ATXN2: variants seen among roughly 807,000 people sequenced by gnomAD.
ATXN2 encodes ataxin 2, also known as ataxin-2.
A neutral mutation model predicts 138.6 loss-of-function variants in ATXN2; 37 were observed. The ratio of observed to expected loss-of-function variants is 0.27; its 90% CI spans 0.21 to 0.35. The LOEUF is 0.35. Ranked by LOEUF, ATXN2 falls within the 10% of genes least tolerant of loss-of-function variation. The pLI, the probability that ATXN2 is intolerant of heterozygous loss-of-function variation, is 1.00. For synonymous variants in ATXN2, 549 were observed against 543.7 expected (o/e 1.01, Z -0.13); for missense variants, 1,216 against 1,480.3 (o/e 0.82, Z 2.93).
Position 111,552,555 on chromosome 12 carries a change from AC to A in ATXN2, c.421-126del, listed in dbSNP as rs1882178052. 13 of 969,330 alleles carry A rather than the reference AC, an allele frequency of 1.3e-5. No individual in the cohort carries two copies. The South Asian group carries it at 2.3e-4, about 17-fold the overall frequency. The allele number at this position is 969,330 out of a possible 1,614,324, so 60.0% of individuals were successfully genotyped here. ...ACAAAAATAATCTCAAGAGAATCATACCCTTTTTCCCAGGCATATGATCTAT... is the reference window on the plus strand; with the variant it reads ...ACAAAAATAATCTCAAGAGAATCATACCTTTTTCCCAGGCATATGATCTAT... On this transcript the variant is annotated intron_variant, in intron 4 of 24. Transcript: ENST00000673436. The surrounding 1 kb of genome is among the most constrained non-coding windows in gnomAD (Gnocchi z 4.1).
Position 111,525,219 on chromosome 12 carries a change from C to T in ATXN2, c.669G>A (p.Glu223=), listed in dbSNP as rs745407244. 1.1e-5 allele frequency: 18 copies of T among 1,613,368 alleles called. No homozygotes were observed. The Admixed American group carries it at 2.8e-4, about 26-fold the overall frequency. ...PWDAGELTAN[E]ELEALENDVS... ...CGTCATTTTCCAAAGCCTCAAGTTC[C>T]TCATTGGCTGTGAGTTCACCTGCAT... The change falls in exon 6 of 25, where the codon GAG becomes GAA. Residue 223 remains glutamate (E), a synonymous_variant. Transcript: ENST00000673436.
At chr12:111,502,492 C>T (rs141379792) in intron 14 of ATXN2, among the ~76,000 whole-genome samples, 47 of 151,956 alleles carry the variant, frequency 3.1e-4, no homozygotes, top group African/African-American at 1.1e-3. Context: ...TGCAGCGGCA[C>T]GATCTTAACT....
intron 1 of ATXN2, among the ~76,000 whole-genome samples, chr12:111,579,912 C>T (rs2135827741): frequency 1.3e-5 from 2 of 152,070 alleles, no homozygotes; most frequent in East Asian, 1.9e-4. Flanking sequence ...GTTGGCCAGG[C>T]TGGTCTCGAA....
intron 14 of ATXN2, among the ~76,000 whole-genome samples, chr12:111,493,879 T>C (rs767629128): frequency 2.0e-5 from 3 of 152,216 alleles, no homozygotes; most frequent in East Asian, 1.9e-4. Flanking sequence ...CGCCCCACCT[T>C]TGCCTTCCAA....
Position 111,598,973 on chromosome 12 carries a change from TGCTGTTGCTGCTGCTGCTGCTGCTGC to T in ATXN2, c.36_61del (p.Gln13AlafsTer68). On this transcript the variant is annotated frameshift_variant, in exon 1 of 25. Coordinates refer to ENST00000673436, the MANE Select transcript of ATXN2 (RefSeq NM_001372574.1). LOFTEE classifies it high-confidence loss of function. The surrounding 1 kb of genome is among the most constrained non-coding windows in gnomAD (Gnocchi z 4.5). ...CGGCTGCTGCTGCTGCTGCTGCTGCTGCTGTTGCTGCTGCTGCTGCTGCTGCTGCTGCTGCTGCTGCTGCTGGGGCT... is the reference window on the plus strand; with the variant it reads ...CGGCTGCTGCTGCTGCTGCTGCTGCTTGCTGCTGCTGCTGCTGCTGGGGCT... 1 of 1,495,544 alleles carries T rather than the reference TGCTGTTGCTGCTGCTGCTGCTGCTGC, an allele frequency of 6.7e-7. No homozygotes were observed. Among genetic ancestry groups the T allele is most frequent in the East Asian group, 2.7e-5 (1 of 36,736 alleles). The allele number at this position is 1,495,544 out of a possible 1,614,324, so 92.6% of individuals were successfully genotyped here. A position where few individuals can be genotyped will look rare whatever the true frequency, so the allele number is the denominator to read the frequency against.
intron 18 of ATXN2, among the ~76,000 whole-genome samples, chr12:111,473,136 C>T (rs747692058): frequency 1.3e-5 from 2 of 151,698 alleles, no homozygotes; most frequent in Admixed American, 6.6e-5. Context: ...AAGCCAGGCA[C>T]GGTGGTGCTT....
intron 8 of ATXN2, among the ~76,000 whole-genome samples, chr12:111,518,944 G>A (rs1880005579): frequency 6.6e-6 from 1 of 152,066 alleles, no homozygotes; most frequent in Non-Finnish European, 1.5e-5. Flanking sequence ...TACTTTACTA[G>A]ATAGGTAGCA....
chr12:111,495,149 T>C (rs1274707340), intron 14 of ATXN2, among the ~76,000 whole-genome samples: 3 of 151,190 alleles, frequency 2.0e-5, no homozygotes, highest in African/African-American at 7.3e-5. Context: ...CTACTGAAAA[T>C]ACAAAAAATT....
Position 111,453,896 on chromosome 12 carries a change from A to C in ATXN2, c.3271-51T>G, listed in dbSNP as rs747033346. On this transcript the variant is annotated intron_variant, in intron 23 of 24. Coordinates refer to ENST00000673436, the MANE Select transcript of ATXN2 (RefSeq NM_001372574.1). This position sits in a 1 kb window ranked among gnomAD's most constrained non-coding sequence, Gnocchi z 5.4. ...TACAGGCAACATCTCCGGCTTCAAC[A>C]ACATGTCAACTGTGTTCCTTTCACT... is the stretch of plus-strand genomic sequence containing the variant. 1.9e-6 allele frequency: 3 copies of C among 1,544,716 alleles called. No homozygotes were observed. Among genetic ancestry groups the C allele is most frequent in the Middle Eastern group, 1.7e-4 (1 of 5,836 alleles).
At chr12:111,597,124 T>C (rs903365765) in intron 1 of ATXN2, among the ~76,000 whole-genome samples, 1 of 139,998 alleles carries the variant, frequency 7.1e-6, no homozygotes, top group Non-Finnish European at 1.5e-5. Context: ...GGCTAAGTAG[T>C]GTTTGGGATG....
chr12:111,521,547 T>C (rs1011030504), intron 6 of ATXN2, among the ~76,000 whole-genome samples: 2 of 152,156 alleles, frequency 1.3e-5, no homozygotes, highest in African/African-American at 4.8e-5. Context: ...AATGCTCAAA[T>C]GGGAAGGCAG....
chr12:111,474,455 G>C (rs1314208209), intron 18 of ATXN2, among the ~76,000 whole-genome samples: 1 of 151,830 alleles, frequency 6.6e-6, no homozygotes, highest in African/African-American at 2.4e-5. Flanking sequence ...GACAAGAAAA[G>C]AAAAGCTGGC....
intron 5 of ATXN2, among the ~76,000 whole-genome samples, chr12:111,525,680 C>T (rs1182811715): frequency 5.0e-5 from 7 of 140,878 alleles, no homozygotes; most frequent in Admixed American, 2.8e-4. Context: ...TTAAGCCACA[C>T]GAAGCATTTT....
At chr12:111,596,517 T>C (rs112009822) in intron 1 of ATXN2, among the ~76,000 whole-genome samples, 3 of 152,166 alleles carry the variant, frequency 2.0e-5, no homozygotes, top group African/African-American at 7.2e-5. Context: ...GAGACTTATT[T>C]TCACTGTTGA....
At chr12:111,558,118 A>T (rs1882484842) in intron 1 of ATXN2, among the ~76,000 whole-genome samples, 1 of 152,216 alleles carries the variant, frequency 6.6e-6, no homozygotes, top group Non-Finnish European at 1.5e-5. Context: ...ATTATCATAT[A>T]AAAAAACAGT....
Position 111,552,350 on chromosome 12 carries a change from A to G in ATXN2, c.501T>C (p.Ser167=). The change falls in exon 5 of 25, where the codon AGT becomes AGC. Residue 167 remains serine (S), a synonymous_variant. Transcript: ENST00000673436. The surrounding 1 kb of genome is among the most constrained non-coding windows in gnomAD (Gnocchi z 4.1). ...SGPKREEIME[S]ILFKCSDFVV... ...CAAAGTCTGAACATTTGAACAAAAT[A>G]CTCTCCATTATTTCTTCACGTTTCG... The G allele has an allele frequency of 6.2e-7, 1 of 1,613,458 alleles. No individual in the cohort carries two copies. The highest frequency in any genetic ancestry group is 1.1e-5 in the South Asian group (1 of 91,020).
intron 5 of ATXN2, among the ~76,000 whole-genome samples, chr12:111,543,732 G>C (rs1203166897): frequency 1.3e-5 from 2 of 152,106 alleles, no homozygotes; most frequent in African/African-American, 4.8e-5. Context: ...AAAATGCTTA[G>C]AATAGAGTAC....
At chr12:111,531,659 G>A (rs186530674) in intron 5 of ATXN2, among the ~76,000 whole-genome samples, 29 of 152,224 alleles carry the variant, frequency 1.9e-4, no homozygotes, top group Admixed American at 1.7e-3. Context: ...AAACAAGTTG[G>A]GGATAAGAAA....
intron 5 of ATXN2, among the ~76,000 whole-genome samples, chr12:111,539,251 A>G (rs1292069477): frequency 6.7e-6 from 1 of 150,066 alleles, no homozygotes; most frequent in Non-Finnish European, 1.5e-5. Flanking sequence ...TGGGAGGCTG[A>G]GGCAAAGAGG....
Sources: gnomAD v4.1 joint callset for allele counts (sites outside exome capture counted in the v4.1 genomes callset) on GRCh38, gnomAD v4.1.1 for gene constraint, Gnocchi (gnomAD v3.1) non-coding constraint, MANE v1.5 for transcripts, NCBI Gene and HGNC (gene_info 2026-07-23, HGNC 2026-07-21) for gene names.